Variants in KHDRBS2 observed in about 807,000 individuals in gnomAD.
KHDRBS2 encodes the protein KH domain-containing, RNA-binding, signal transduction-associated protein 2.
A neutral mutation model predicts 44.3 loss-of-function variants in KHDRBS2; 26 were observed. The ratio of observed to expected loss-of-function variants is 0.59; its 90% confidence interval spans 0.43 to 0.81. The LOEUF (loss-of-function observed/expected upper bound fraction) is 0.81. Among genes scored for constraint, KHDRBS2 ranks in the 40% least tolerant of loss-of-function variants. KHDRBS2 has a pLI of 0.00. For synonymous variants in KHDRBS2, 194 were observed against 151.1 expected, an observed-to-expected ratio of 1.28 and a Z score of -2.08; for missense variants, 476 against 433.1, an observed-to-expected ratio of 1.10 and a Z score of -0.88.
At chr6:61,602,258 C>T in the KHDRBS2 span, among the ~76,000 whole-genome samples, 2 of 152,148 alleles carry the variant, frequency 1.3e-5, no homozygotes, top group African/African-American at 4.8e-5. Context: ...GTTGCAGTTC[C>T]TTGCCTCCAC....
intron 6 of KHDRBS2, among the ~76,000 whole-genome samples, chr6:61,830,936 G>A (rs2127261893): frequency 6.6e-6 from 1 of 152,128 alleles, no homozygotes; most frequent in Middle Eastern, 3.4e-3. Context: ...ATCATTAGGG[G>A]AAAAATGTTC....
intron 1 of KHDRBS2, among the ~76,000 whole-genome samples, chr6:62,208,390 G>T (rs1828404845): frequency 6.6e-6 from 1 of 152,042 alleles, no homozygotes; most frequent in Non-Finnish European, 1.5e-5. Flanking sequence ...CATCTTGTCA[G>T]ATAGGATCTC....
intron 3 of KHDRBS2, among the ~76,000 whole-genome samples, chr6:62,021,015 A>G (rs1782184721): frequency 6.6e-6 from 1 of 152,022 alleles, no homozygotes; most frequent in Non-Finnish European, 1.5e-5. Flanking sequence ...TAAAGAAACT[A>G]TGGTACATAT....
chr6:62,111,436 A>C (rs1310222367), intron 2 of KHDRBS2, among the ~76,000 whole-genome samples: 1 of 152,034 alleles, frequency 6.6e-6, no homozygotes, highest in Non-Finnish European at 1.5e-5. Context: ...TCTTATATTA[A>C]ATTATTTGAT....
intron 3 of KHDRBS2, among the ~76,000 whole-genome samples, chr6:62,038,039 T>C (rs1381920562): frequency 6.6e-6 from 1 of 152,052 alleles, no homozygotes; most frequent in East Asian, 1.9e-4. Context: ...CTTGTTTCTA[T>C]GACTGGCTTA....
At chr6:61,996,068 G>A (rs1439273267) in intron 3 of KHDRBS2, among the ~76,000 whole-genome samples, 3 of 152,164 alleles carry the variant, frequency 2.0e-5, no homozygotes, top group Non-Finnish European at 4.4e-5. Flanking sequence ...ACTACTTCTG[G>A]ATCTATGACC....
At chr6:62,080,891 T>C (rs944079449) in intron 2 of KHDRBS2, among the ~76,000 whole-genome samples, 4 of 152,066 alleles carry the variant, frequency 2.6e-5, no homozygotes, top group Admixed American at 6.6e-5. Flanking sequence ...ATTATTAGAG[T>C]ATACAGCTCC....
intron 6 of KHDRBS2, among the ~76,000 whole-genome samples, chr6:61,777,297 A>T (rs1265342281): frequency 6.6e-6 from 1 of 152,122 alleles, no homozygotes. Context: ...ATAATAATAA[A>T]ATATAAAAAA....
At chr6:61,864,311 G>C (rs1284207564) in intron 6 of KHDRBS2, among the ~76,000 whole-genome samples, 1 of 152,130 alleles carries the variant, frequency 6.6e-6, no homozygotes, top group Non-Finnish European at 1.5e-5. Context: ...ATTTGATCCT[G>C]TCAACATGAT....
chr6:61,745,017 T>C (rs1230353462), intron 6 of KHDRBS2, among the ~76,000 whole-genome samples: 1 of 152,190 alleles, frequency 6.6e-6, no homozygotes, highest in Non-Finnish European at 1.5e-5. Context: ...TTTTTGGTGA[T>C]GAACACTATT....
At chr6:61,825,393 T>A (rs1428779965) in intron 6 of KHDRBS2, among the ~76,000 whole-genome samples, 1 of 152,170 alleles carries the variant, frequency 6.6e-6, no homozygotes, top group Admixed American at 6.6e-5. Flanking sequence ...TAATTCTGCA[T>A]CTAATCATGC....
intron 2 of KHDRBS2, among the ~76,000 whole-genome samples, chr6:62,068,168 G>T (rs1474700353): frequency 1.3e-5 from 2 of 151,312 alleles, no homozygotes. Flanking sequence ...ATGCATGTGG[G>T]ACTGTTTTTC....
At chr6:61,916,639 T>C (rs1477959456) in intron 4 of KHDRBS2, among the ~76,000 whole-genome samples, 1 of 151,878 alleles carries the variant, frequency 6.6e-6, no homozygotes, top group Non-Finnish European at 1.5e-5. Context: ...ACATATCTGA[T>C]CAAGGACTGT....
intron 2 of KHDRBS2, among the ~76,000 whole-genome samples, chr6:62,061,640 C>T (rs1791927134): frequency 1.3e-5 from 2 of 151,052 alleles, no homozygotes; most frequent in South Asian, 2.1e-4. Context: ...GTGAATCTGA[C>T]AATTATGTGT....
chr6:62,128,515 A>C (rs531861171), intron 2 of KHDRBS2, among the ~76,000 whole-genome samples: 2 of 151,728 alleles, frequency 1.3e-5, no homozygotes, highest in African/African-American at 2.4e-5. Flanking sequence ...TAAGTCAAAA[A>C]TTTAATGATC....
chr6:62,120,628 T>C (rs1378571360), intron 2 of KHDRBS2, among the ~76,000 whole-genome samples: 2 of 152,170 alleles, frequency 1.3e-5, no homozygotes, highest in African/African-American at 4.8e-5. Context: ...TAATTAATCA[T>C]GGTATTCCTA....
At chr6:62,168,018 G>A (rs1407576805) in intron 2 of KHDRBS2, among the ~76,000 whole-genome samples, 1 of 152,126 alleles carries the variant, frequency 6.6e-6, no homozygotes, top group Non-Finnish European at 1.5e-5. Context: ...AGTTGCAACC[G>A]AGGATGAGAC....
chr6:62,095,264 T>C (rs1800336347), intron 2 of KHDRBS2, among the ~76,000 whole-genome samples: 1 of 151,832 alleles, frequency 6.6e-6, no homozygotes, highest in Admixed American at 6.6e-5. Flanking sequence ...AGCTCTACAA[T>C]GAACAATATA....
intron 6 of KHDRBS2, among the ~76,000 whole-genome samples, chr6:61,746,043 T>TTTTAG (rs370422384): frequency 0.012 from 1,750 of 144,950 alleles, 22 homozygotes; most frequent in African/African-American, 0.031. Flanking sequence ...TTTTATTTTA[T>TTTTAG]TTTAGTTTAG....
Sources: gnomAD v4.1 joint callset for allele counts (sites outside exome capture counted in the v4.1 genomes callset) on GRCh38, gnomAD v4.1.1 for gene constraint, MANE v1.5 for transcripts, NCBI Gene and HGNC (gene_info 2026-07-23, HGNC 2026-07-21) for gene names.